Variants in PLCE1 observed in about 807,000 individuals in gnomAD.
The protein encoded by PLCE1 is phospholipase C epsilon 1, also known as 1-phosphatidylinositol 4,5-bisphosphate phosphodiesterase epsilon-1.
Under a neutral mutation model 242.8 loss-of-function variants are expected in PLCE1, and 119 were observed. That is an observed-to-expected ratio of 0.49 (90% CI 0.42 to 0.57). The LOEUF (loss-of-function observed/expected upper bound fraction) is 0.57, where lower values mean the gene tolerates loss of function less well. PLCE1 is among the 20% of genes least tolerant of loss of function. The pLI is 0.00. For synonymous variants in PLCE1, 945 were observed against 1,017.4 expected (o/e 0.93, Z 1.35); for missense variants, 2,441 against 2,788.8 (o/e 0.88, Z 2.81).
intron 18 of PLCE1, among the ~76,000 whole-genome samples, chr10:94,270,922 G>A (rs1457310016): frequency 3.3e-5 from 5 of 152,050 alleles, no homozygotes; most frequent in Admixed American, 2.0e-4. Flanking sequence ...CACCCATCTC[G>A]GCCTCCCAAA....
At chr10:94,157,233 G>A (rs776899599) in intron 3 of PLCE1, among the ~76,000 whole-genome samples, 8 of 152,134 alleles carry the variant, frequency 5.3e-5, no homozygotes, top group Non-Finnish European at 8.8e-5. Flanking sequence ...GAGTCTCCTC[G>A]TCGAGCTTCT....
intron 1 of PLCE1, among the ~76,000 whole-genome samples, chr10:94,030,236 C>T (rs1395993904): frequency 6.6e-6 from 1 of 152,102 alleles, no homozygotes; most frequent in Admixed American, 6.6e-5. Context: ...GCTTCCTTGG[C>T]CTCCCTGAAG....
In PLCE1 at chr10:94,217,355, A is replaced by G. The variant is rs549058268; in HGVS notation, c.1810-9951A>G. Among the ~76,000 whole-genome samples, 25 of 152,322 alleles carry G rather than the reference A, an allele frequency of 1.6e-4. No individual in the cohort carries two copies. The East Asian group carries it at 4.6e-3, about 28-fold the overall frequency. The stretch of plus-strand genomic sequence containing the variant: ...TTATAAATGGTCCCACAATAGGATC[A>G]GGATAGTTCGGAGCTAACAGCTCAG... On this transcript the variant is annotated intron_variant, in intron 4 of 32. Coordinates refer to ENST00000371380, the MANE Select transcript of PLCE1 (RefSeq NM_016341.4).
chr10:94,265,161 G>C (rs536348722), intron 14 of PLCE1, among the ~76,000 whole-genome samples: 14 of 152,316 alleles, frequency 9.2e-5, no homozygotes, highest in Non-Finnish European at 4.4e-5. Context: ...CTTATCACCT[G>C]ACTGGGTATC....
At chr10:94,116,247 A>G (rs772821232) in intron 2 of PLCE1, among the ~76,000 whole-genome samples, 12 of 152,276 alleles carry the variant, frequency 7.9e-5, no homozygotes, top group South Asian at 4.1e-4. Context: ...TTTATTTGCT[A>G]TATCTATAGA....
intron 18 of PLCE1, among the ~76,000 whole-genome samples, chr10:94,272,336 C>T (rs974904726): frequency 3.3e-5 from 5 of 152,320 alleles, no homozygotes; most frequent in African/African-American, 1.2e-4. Flanking sequence ...CTCCTACTTG[C>T]ACGTCTGTTT....
intron 3 of PLCE1, among the ~76,000 whole-genome samples, chr10:94,149,182 C>T (rs1201882933): frequency 6.6e-6 from 1 of 152,178 alleles, no homozygotes; most frequent in African/African-American, 2.4e-5. Flanking sequence ...CCAAGGGGTT[C>T]CATGCTGCTA....
At chr10:94,269,186 C>G (rs2051630910) in intron 17 of PLCE1, 150 bp downstream of exon 17, 1 of 542,786 alleles carries the variant, frequency 1.8e-6, no homozygotes, top group Non-Finnish European at 3.3e-6. Flanking sequence ...ACTGCAACCT[C>G]TGCCTCCGAG....
rs774301672 is a variant in PLCE1, at chr10:94,031,857, G to A, written c.811G>A (p.Glu271Lys). The A allele has an allele frequency of 5.0e-6, 8 of 1,613,754 alleles. No homozygotes were observed. The highest frequency in any genetic ancestry group is 2.2e-5 in the East Asian group (1 of 44,870). ...DKYFCFEGSC[E>K]KVDMVYSGDS... ...ATACTTTTGCTTTGAAGGCTCTTGT[G>A]AGAAGGTTGACATGGTATATTCAGG... The change falls in exon 2 of 33, where the codon GAG becomes AAG. Residue 271 changes from glutamate (E) to lysine (K), a missense_variant. By Grantham distance (56) the Glu-to-Lys change is moderately conservative. Transcript: ENST00000371380.
At chr10:94,046,902 A>G (rs138893667) in intron 2 of PLCE1, among the ~76,000 whole-genome samples, 1,623 of 152,364 alleles carry the variant, frequency 0.011, 18 homozygotes, top group Middle Eastern at 0.044. Context: ...TATGTTAACA[A>G]ACACGTTACA....
intron 4 of PLCE1, among the ~76,000 whole-genome samples, chr10:94,197,797 A>C (rs2048866949): frequency 6.6e-6 from 1 of 152,088 alleles, no homozygotes; most frequent in Non-Finnish European, 1.5e-5. Flanking sequence ...AGCCTGGCCA[A>C]CCTGGTGAAA....
In PLCE1 at chr10:94,262,523, G is replaced by A. The variant is rs1564840438; in HGVS notation, c.3844G>A (p.Gly1282Arg). Reference protein sequence around the residue: ...DLLTRNVSDLGLFIKSKQQLS... With the variant: ...DLLTRNVSDLRLFIKSKQQLS... ...GTTGACCAGAAATGTCTCGGATTTG[G>A]GGTTGTTCATTAAGAGTAAACAGCA... Residue 1282 changes from glycine (G) to arginine (R), a missense_variant, in exon 14 of 33, where the codon GGG (glycine) becomes AGG (arginine). Gly to Arg is a moderately radical substitution (Grantham distance 125). Around this residue, in one of 5 missense-constraint regions of PLCE1, gnomAD observed 1,004 missense variants for 1,322.7 expected, o/e 0.76. Coordinates refer to ENST00000371380, the MANE Select transcript of PLCE1 (RefSeq NM_016341.4). 6.2e-7 allele frequency: 1 copy of A among 1,613,412 alleles called. No individual in the cohort carries two copies. Among genetic ancestry groups the A allele is most frequent in the Non-Finnish European group, 8.5e-7 (1 of 1,179,418 alleles).
chr10:94,169,439 C>G (rs2047903697), intron 3 of PLCE1, among the ~76,000 whole-genome samples: 1 of 152,088 alleles, frequency 6.6e-6, no homozygotes, highest in Admixed American at 6.5e-5. Flanking sequence ...CTGGAGGAGA[C>G]AAAGGTAGAT....
intron 3 of PLCE1, among the ~76,000 whole-genome samples, chr10:94,150,040 T>C (rs2047225397): frequency 6.6e-6 from 1 of 152,198 alleles, no homozygotes. Context: ...CCATGTGTCT[T>C]ATGTGTATAA....
intron 5 of PLCE1, among the ~76,000 whole-genome samples, chr10:94,227,940 G>A (rs1255396395): frequency 6.6e-6 from 1 of 152,192 alleles, no homozygotes; most frequent in Non-Finnish European, 1.5e-5. Flanking sequence ...TATGAGCTAT[G>A]CACATTCCCT....
chr10:94,178,749 G>A (rs1463022086), intron 4 of PLCE1, among the ~76,000 whole-genome samples: 1 of 152,190 alleles, frequency 6.6e-6, no homozygotes, highest in Non-Finnish European at 1.5e-5. Context: ...TCATAGCTAT[G>A]GAAAGACCAT....
rs1193660201 is a variant in PLCE1, at chr10:94,329,798, A to AC, written c.*1855_*1856insC. 6.6e-6 allele frequency: 1 copy of AC among 150,486 alleles called. No homozygotes were observed. Among genetic ancestry groups the AC allele is most frequent in the East Asian group, 1.9e-4 (1 of 5,194 alleles). 9.3% of individuals were successfully genotyped at this position (150,486 alleles called of 1,614,324 possible). ...TCTCAAAAAAAAAAAAAAAAAAAAA[A>AC]AAAAAAAAAAAAACACCATACAGCT... On this transcript the variant is annotated 3_prime_UTR_variant, in exon 33 of 33. Transcript: ENST00000371380.
chr10:94,268,413 A>G (rs1469685710), intron 16 of PLCE1, among the ~76,000 whole-genome samples: 2 of 152,226 alleles, frequency 1.3e-5, no homozygotes, highest in Admixed American at 1.3e-4. Flanking sequence ...CACTCTTCTT[A>G]CATGTTATGC....
chr10:94,193,816 A>G (rs1336266418), intron 4 of PLCE1, among the ~76,000 whole-genome samples: 1 of 152,230 alleles, frequency 6.6e-6, no homozygotes, highest in Non-Finnish European at 1.5e-5. Flanking sequence ...CACTTCTGCA[A>G]GTAAGTTGAA....
Sources: gnomAD v4.1 joint callset for allele counts (sites outside exome capture counted in the v4.1 genomes callset) on GRCh38, gnomAD v4.1.1 for gene constraint, gnomAD v4.1.1 regional missense constraint, MANE v1.5 for transcripts, NCBI Gene and HGNC (gene_info 2026-07-23, HGNC 2026-07-21) for gene names.